PCDHGB2: variants seen among roughly 807,000 people sequenced by gnomAD.
PCDHGB2 encodes protocadherin gamma subfamily B, 2.
Under a neutral mutation model 59.3 loss-of-function variants are expected in PCDHGB2, and 55 were observed. That is an observed-to-expected ratio of 0.93 (90% confidence interval 0.75 to 1.16). The LOEUF is 1.16. Among genes scored for constraint, PCDHGB2 ranks in the 50% most tolerant of loss-of-function variants. The pLI is 0.00. For missense variants in PCDHGB2, 1,228 were observed against 1,198.5 expected, an observed-to-expected ratio of 1.02 and a Z score of -0.36; for synonymous variants, 516 against 512.0, an observed-to-expected ratio of 1.01 and a Z score of -0.11.
At chr5:141,423,485 C>T (rs752918607) in intron 1 of PCDHGB2, 30 of 1,613,840 alleles carry the variant, frequency 1.9e-5, no homozygotes, top group Non-Finnish European at 2.2e-5. Context: ...TTCCTGCAAA[C>T]CTATTCCCAC....
chr5:141,428,090 G>A (rs1415146154), intron 1 of PCDHGB2: 1 of 1,608,870 alleles, frequency 6.2e-7, no homozygotes, highest in Non-Finnish European at 8.5e-7. Flanking sequence ...ACGCTTGGCT[G>A]TCCTACCACG....
intron 1 of PCDHGB2, chr5:141,400,326 T>A: frequency 6.2e-7 from 1 of 1,614,104 alleles, no homozygotes; most frequent in Non-Finnish European, 8.5e-7. Flanking sequence ...AGTCTGGACC[T>A]GTGGTTCCCC....
chr5:141,432,415 G>A lies in PCDHGB2; in HGVS notation c.2422-62392G>A, dbSNP rs2097498934. The A allele has an allele frequency of 6.2e-7, 1 of 1,614,112 alleles. No homozygotes were observed. The highest frequency in any genetic ancestry group is 1.1e-5 in the South Asian group (1 of 91,092). On this transcript the variant is annotated intron_variant, in intron 1 of 3. Transcript: ENST00000522605. This position sits in a 1 kb window ranked among gnomAD's most constrained non-coding sequence, Gnocchi z 6.0. ...GCAACGTGTCGTTGAGCCTGTTCGT[G>A]CTGGACCAGAACGACAATGCGCCCG... is the stretch of plus-strand genomic sequence containing the variant.
At chr5:141,395,407 G>T (rs1467176036) in intron 1 of PCDHGB2, 3 of 826,654 alleles carry the variant, frequency 3.6e-6, no homozygotes, top group Non-Finnish European at 5.4e-6. Context: ...ATAGTCATAG[G>T]TTATTGTTTC....
chr5:141,424,497 A>G (rs2096824503), intron 1 of PCDHGB2: 2 of 152,174 alleles, frequency 1.3e-5, no homozygotes, highest in African/African-American at 2.4e-5. Flanking sequence ...GTTTGTATGT[A>G]TGGAAGGTTT....
At chr5:141,423,980 G>A (rs2154550577) in intron 1 of PCDHGB2, 1 of 1,110,878 alleles carries the variant, frequency 9.0e-7, no homozygotes, top group South Asian at 4.5e-5. Flanking sequence ...AGTGTATGAG[G>A]CTCTCAATTT....
chr5:141,393,776 C>G, intron 1 of PCDHGB2: 1 of 1,613,714 alleles, frequency 6.2e-7, no homozygotes, highest in Admixed American at 1.7e-5. Flanking sequence ...AAATACAAGC[C>G]GAAGATGTGG....
Position 141,491,364 on chromosome 5 carries a change from C to T in PCDHGB2, c.2422-3443C>T. 1 of 1,614,164 alleles carries T rather than the reference C, an allele frequency of 6.2e-7. No homozygotes were observed. The highest frequency in any genetic ancestry group is 8.5e-7 in the Non-Finnish European group (1 of 1,180,000). On this transcript the variant is annotated intron_variant, in intron 1 of 3. Coordinates refer to ENST00000522605, the MANE Select transcript of PCDHGB2 (RefSeq NM_018923.3). This position sits in a 1 kb window ranked among gnomAD's most constrained non-coding sequence, Gnocchi z 6.9. The stretch of plus-strand genomic sequence containing the variant: ...CCGTCAGTCTCTTATCCCTAGTCAC[C>T]TTCACCTTTCTGTCAGCGAAGTGCC...
chr5:141,480,112 C>T (rs531082602), intron 1 of PCDHGB2, among the ~76,000 whole-genome samples: 2 of 152,190 alleles, frequency 1.3e-5, no homozygotes, highest in Admixed American at 1.3e-4. Flanking sequence ...TAGCATGGTG[C>T]CTGGCATATC....
intron 1 of PCDHGB2, chr5:141,405,001 C>A: frequency 1.9e-6 from 3 of 1,614,008 alleles, no homozygotes; most frequent in Non-Finnish European, 2.5e-6. Flanking sequence ...TCCCTGCAGA[C>A]CTGGAGGCCT....
At chr5:141,492,091 C>A (rs930375969) in intron 1 of PCDHGB2, among the ~76,000 whole-genome samples, 1 of 152,242 alleles carries the variant, frequency 6.6e-6, no homozygotes, top group South Asian at 2.1e-4. Flanking sequence ...CACGCTTCGC[C>A]GGTCTGTAGA....
chr5:141,502,179 A>G (rs1403845758), intron 2 of PCDHGB2, among the ~76,000 whole-genome samples: 2 of 152,218 alleles, frequency 1.3e-5, no homozygotes, highest in Non-Finnish European at 2.9e-5. Context: ...GGAATTTAAC[A>G]TTAATACAAT....
intron 1 of PCDHGB2, chr5:141,403,939 G>C: frequency 6.2e-7 from 1 of 1,613,852 alleles, no homozygotes; most frequent in Non-Finnish European, 8.5e-7. Context: ...GATTGAAAGG[G>C]TGGACAAAAG....
chr5:141,437,831 G>C (rs923199746), intron 1 of PCDHGB2, among the ~76,000 whole-genome samples: 16 of 151,256 alleles, frequency 1.1e-4, no homozygotes, highest in African/African-American at 3.4e-4. Flanking sequence ...TCTGCCTCCT[G>C]GGTTCATGCT....
chr5:141,488,292 G>A (rs961688781), intron 1 of PCDHGB2, among the ~76,000 whole-genome samples: 1 of 152,216 alleles, frequency 6.6e-6, no homozygotes, highest in African/African-American at 2.4e-5. Flanking sequence ...AAAACAGTAA[G>A]TGAAATCACT....
At position 141,485,682 on chromosome 5, in the gene PCDHGB2, A is replaced by T. The variant is rs779441999; in HGVS notation, c.2422-9125A>T. 6.2e-7 allele frequency: 1 copy of T among 1,613,958 alleles called. No individual in the cohort carries two copies. Among genetic ancestry groups the T allele is most frequent in the Non-Finnish European group, 8.5e-7 (1 of 1,179,972 alleles). On this transcript the variant is annotated intron_variant, in intron 1 of 3. Transcript: ENST00000522605. This position sits in a 1 kb window ranked among gnomAD's most constrained non-coding sequence, Gnocchi z 5.7. ...GTGGGGAGCAATTCGATTAGCAGCT[A>T]TAGGCTGAGCTCCAATGAACACTTT...
At chr5:141,442,445 T>A (rs2098325574) in intron 1 of PCDHGB2, 1 of 152,198 alleles carries the variant, frequency 6.6e-6, no homozygotes, top group South Asian at 2.1e-4. Flanking sequence ...CCCTCAGGAC[T>A]CAATAGCAGT....
intron 1 of PCDHGB2, chr5:141,384,422 A>C: frequency 6.2e-7 from 1 of 1,613,924 alleles, no homozygotes; most frequent in Non-Finnish European, 8.5e-7. Flanking sequence ...GTCTCCATAA[A>C]CTCTGACACT....
chr5:141,370,764 C>T (rs2149970844), intron 1 of PCDHGB2: 2 of 1,613,908 alleles, frequency 1.2e-6, no homozygotes, highest in Non-Finnish European at 1.7e-6. Flanking sequence ...TGTGCTGATC[C>T]AGGATATTAA....
Sources: gnomAD v4.1 joint callset for allele counts (sites outside exome capture counted in the v4.1 genomes callset) on GRCh38, gnomAD v4.1.1 for gene constraint, Gnocchi (gnomAD v3.1) non-coding constraint, MANE v1.5 for transcripts, NCBI Gene and HGNC (gene_info 2026-07-23, HGNC 2026-07-21) for gene names.